ADGRB3: variants seen among roughly 807,000 people sequenced by gnomAD.
ADGRB3 encodes adhesion G protein-coupled receptor B3, also known as brain-specific angiogenesis inhibitor 3.
ADGRB3 carries 37 observed loss-of-function variants against 193.4 expected under a neutral mutation model. That is an observed-to-expected ratio of 0.19 (90% CI 0.15 to 0.25). ADGRB3 has a LOEUF of 0.25. ADGRB3 is among the 10% of genes least tolerant of loss of function. ADGRB3 has a pLI of 1.00. For missense variants in ADGRB3, 1,637 were observed against 1,852.9 expected (o/e 0.88, Z 2.14); for synonymous variants, 690 against 644.2 (o/e 1.07, Z -1.08).
At chr6:69,014,243 G>A in intron 12 of ADGRB3, 137 bp downstream of exon 12, 2 of 562,560 alleles carry the variant, frequency 3.6e-6, no homozygotes, top group East Asian at 3.1e-5. Flanking sequence ...TAATTTTTGA[G>A]GAAACAAATG....
intron 3 of ADGRB3, among the ~76,000 whole-genome samples, chr6:68,740,192 T>C (rs1765952466): frequency 6.6e-6 from 1 of 152,210 alleles, no homozygotes; most frequent in South Asian, 2.1e-4. Flanking sequence ...GGAATGGAAG[T>C]CTGTGCTACT....
chr6:69,357,763 T>C (rs569255910), intron 28 of ADGRB3, among the ~76,000 whole-genome samples: 3 of 151,974 alleles, frequency 2.0e-5, no homozygotes, highest in Non-Finnish European at 4.4e-5. Flanking sequence ...CAACCTGTAG[T>C]GGACCTGCAC....
chr6:69,344,216 C>A (rs1302037878), intron 26 of ADGRB3, among the ~76,000 whole-genome samples: 1 of 152,140 alleles, frequency 6.6e-6, no homozygotes, highest in African/African-American at 2.4e-5. Context: ...GTGTGAGAAT[C>A]CTGTGGCTGT....
Position 68,787,397 on chromosome 6 carries a change from A to G in ADGRB3, c.758-143162A>G, listed in dbSNP as rs913894269. Among the ~76,000 whole-genome samples, 5 of 152,264 alleles carry G rather than the reference A, an allele frequency of 3.3e-5. No homozygotes were observed. The South Asian group carries it at 1.0e-3, about 32-fold the overall frequency. Reference sequence around the variant, plus strand: ...GAATTTTGTCACAGGCCTTTTCTGCATCTATTGAGATAATCATGTGTTTTT... The same window carrying G: ...GAATTTTGTCACAGGCCTTTTCTGCGTCTATTGAGATAATCATGTGTTTTT... On this transcript the variant is annotated intron_variant, in intron 3 of 31. Transcript: ENST00000370598.
intron 10 of ADGRB3, among the ~76,000 whole-genome samples, chr6:68,978,319 G>C (rs1271298905): frequency 1.5e-5 from 2 of 134,530 alleles, no homozygotes; most frequent in African/African-American, 5.7e-5. Context: ...TAGGTAGGTA[G>C]GTAGATAGAT....
chr6:68,860,921 T>A (rs1034461874), intron 3 of ADGRB3, among the ~76,000 whole-genome samples: 1 of 152,196 alleles, frequency 6.6e-6, no homozygotes, highest in Admixed American at 6.5e-5. Context: ...ACTCTAAAAC[T>A]CAACCAGTGG....
intron 3 of ADGRB3, among the ~76,000 whole-genome samples, chr6:68,817,950 C>CA (rs2127379004): frequency 6.6e-6 from 1 of 152,008 alleles, no homozygotes; most frequent in East Asian, 1.9e-4. Flanking sequence ...ATTTTAGAAA[C>CA]ACTTGATTGA....
chr6:68,785,399 A>C (rs1766945515), intron 3 of ADGRB3, among the ~76,000 whole-genome samples: 2 of 145,730 alleles, frequency 1.4e-5, no homozygotes, highest in South Asian at 4.3e-4. Flanking sequence ...GAGTGAGAAC[A>C]TGCGGTGTTT....
chr6:69,351,360 G>A (rs1769222674), intron 26 of ADGRB3, among the ~76,000 whole-genome samples: 3 of 151,918 alleles, frequency 2.0e-5, no homozygotes, highest in Admixed American at 1.3e-4. Context: ...CCAAAGTGCT[G>A]GAATTGCAGG....
At chr6:69,260,279 A>G (rs1364359271) in intron 20 of ADGRB3, among the ~76,000 whole-genome samples, 1 of 152,156 alleles carries the variant, frequency 6.6e-6, no homozygotes, top group African/African-American at 2.4e-5. Context: ...GTAAACCTAT[A>G]TACTTTCATA....
At chr6:69,156,417 T>A (rs1386732134) in intron 17 of ADGRB3, among the ~76,000 whole-genome samples, 2 of 152,214 alleles carry the variant, frequency 1.3e-5, no homozygotes, top group African/African-American at 4.8e-5. Context: ...ACAAAAATGC[T>A]TGCAGATGAG....
chr6:68,862,133 C>A (rs1582263420), intron 3 of ADGRB3, among the ~76,000 whole-genome samples: 1 of 1,430 alleles, frequency 7.0e-4, no homozygotes, highest in Admixed American at 4.1e-3. Context: ...GAGGAGGGAC[C>A]CCCCCCCCCA....
chr6:68,974,766 C>A lies in ADGRB3; in HGVS notation c.1529C>A (p.Pro510His). 6.2e-7 allele frequency: 1 copy of A among 1,613,610 alleles called. No individual in the cohort carries two copies. Among genetic ancestry groups the A allele is most frequent in the Non-Finnish European group, 8.5e-7 (1 of 1,179,714 alleles). Reference sequence around the variant, plus strand: ...GTCCCTTTGTTTAAAATTGCAGCACCTTATGAAATATGCCCTGAGGATTAT... The same window carrying A: ...GTCCCTTTGTTTAAAATTGCAGCACATTATGAAATATGCCCTGAGGATTAT... ...RRCNEQRCPA[P>H]YEICPEDYLM... The change falls in exon 9 of 32, where the codon CCT becomes CAT. Residue 510 changes from proline to histidine, a missense_variant. Pro to His is a moderately conservative substitution (Grantham distance 77). Around this residue, in one of 7 missense-constraint regions of ADGRB3, gnomAD observed 641 missense variants for 673.9 expected, o/e 0.95. Transcript: ENST00000370598.
At chr6:68,722,751 A>C (rs1765606615) in intron 3 of ADGRB3, among the ~76,000 whole-genome samples, 1 of 151,620 alleles carries the variant, frequency 6.6e-6, no homozygotes, top group Non-Finnish European at 1.5e-5. Context: ...AACATGAGAC[A>C]TGTGTGAAGA....
chr6:69,370,400 G>C (rs1220423920), intron 29 of ADGRB3, among the ~76,000 whole-genome samples: 2 of 151,824 alleles, frequency 1.3e-5, no homozygotes, highest in African/African-American at 4.8e-5. Flanking sequence ...GCTTTATTTT[G>C]CATCCACTCC....
At position 68,699,784 on chromosome 6, in the gene ADGRB3, A is replaced by G. The variant is rs888521150; in HGVS notation, c.757+60352A>G. On this transcript the variant is annotated intron_variant, in intron 3 of 31. Transcript: ENST00000370598. Reference sequence around the variant, plus strand: ...CATGCCCATTATGAACAACAGTCCTAGGGACCTCTTTCCCTTCACCCAAGC... The same window carrying G: ...CATGCCCATTATGAACAACAGTCCTGGGGACCTCTTTCCCTTCACCCAAGC... Among the ~76,000 whole-genome samples, 244 of 151,448 alleles carry G rather than the reference A, an allele frequency of 1.6e-3. 2 individuals carry two copies. Among genetic ancestry groups the G allele is most frequent in the African/African-American group, 5.7e-3 (235 of 41,262 alleles).
chr6:68,757,599 AT>A (rs1236118615), intron 3 of ADGRB3, among the ~76,000 whole-genome samples: 4 of 151,808 alleles, frequency 2.6e-5, no homozygotes, highest in African/African-American at 9.7e-5. Flanking sequence ...GTGTCCCTTC[AT>A]TTCCTATGTC....
intron 17 of ADGRB3, among the ~76,000 whole-genome samples, chr6:69,171,181 T>TA (rs1443498648): frequency 2.0e-5 from 3 of 152,340 alleles, no homozygotes; most frequent in Admixed American, 6.5e-5. Flanking sequence ...ATTTTACACT[T>TA]ACTGCATATC....
At chr6:68,845,072 T>G (rs1044679194) in intron 3 of ADGRB3, among the ~76,000 whole-genome samples, 2 of 152,106 alleles carry the variant, frequency 1.3e-5, no homozygotes, top group African/African-American at 4.8e-5. Flanking sequence ...ACAGGGTGAC[T>G]ACAGTCAATA....
Sources: allele counts gnomAD v4.1 joint callset (sites outside exome capture counted in the v4.1 genomes callset), GRCh38; gene constraint gnomAD v4.1.1; regional missense constraint gnomAD v4.1.1; transcripts MANE v1.5; gene names NCBI Gene and HGNC (gene_info 2026-07-23, HGNC 2026-07-21).